The following SLC2A2 variants were observed in gnomAD, a reference collection of about 807,000 sequenced individuals.
SLC2A2 encodes the protein solute carrier family 2 member 2.
Under a neutral mutation model 54.5 loss-of-function variants are expected in SLC2A2, and 36 were observed. That is an observed-to-expected ratio of 0.66 (90% confidence interval 0.51 to 0.87). SLC2A2 has a LOEUF of 0.87. Among genes scored for constraint, SLC2A2 ranks in the 40% least tolerant of loss-of-function variants. The probability of loss-of-function intolerance (pLI) is 0.00; values close to 1 mark genes in which losing one functional copy is unlikely to be tolerated. For missense variants in SLC2A2, 543 were observed against 624.3 expected (o/e 0.87, Z 1.39); for synonymous variants, 223 against 219.1 (o/e 1.02, Z -0.16).
At chr3:171,018,345 C>T (rs1716249600) in intron 2 of SLC2A2, among the ~76,000 whole-genome samples, 186 bp downstream of exon 2, 1 of 150,200 alleles carries the variant, frequency 6.7e-6, no homozygotes, top group African/African-American at 2.5e-5. Context: ...TTTTTTTCCC[C>T]CGTGATTGTT....
intron 1 of SLC2A2, among the ~76,000 whole-genome samples, chr3:171,020,424 C>T (rs980838829): frequency 7.2e-5 from 11 of 152,020 alleles, no homozygotes; most frequent in African/African-American, 1.5e-4. Context: ...AGCTTCCACC[C>T]CTTTCACTAA....
At chr3:171,003,735 T>C (rs1262161312) in intron 7 of SLC2A2, among the ~76,000 whole-genome samples, 3 of 151,992 alleles carry the variant, frequency 2.0e-5, no homozygotes, top group Non-Finnish European at 4.4e-5. Context: ...GCTAGGAACA[T>C]TCTAGTACAA....
At position 171,018,598 on chromosome 3, in the gene SLC2A2, A is replaced by G; in HGVS notation, c.41T>C (p.Val14Ala). The change falls in exon 2 of 11, where the codon GTC becomes GCC. Residue 14 changes from valine (V) to alanine (A), a missense_variant. Val to Ala is a moderately conservative substitution (Grantham distance 64). This residue lies in a region of SLC2A2 where 318 missense variants were observed against 343.8 expected (regional missense o/e 0.93). Coordinates refer to ENST00000314251, the MANE Select transcript of SLC2A2 (RefSeq NM_000340.2). ...GAAGGAACCCAGCACAGCAGTGATG[A>G]CAGTGAAAACCAGGGTCCCAGTGAC... ...DKVTGTLVFTVITAVLGSFQF... is the reference protein window; with the variant it reads ...DKVTGTLVFTAITAVLGSFQF... The G allele has an allele frequency of 1.2e-6, 2 of 1,614,010 alleles. No individual in the cohort carries two copies. Among genetic ancestry groups the G allele is most frequent in the Non-Finnish European group, 1.7e-6 (2 of 1,179,840 alleles).
At chr3:171,004,300 G>C (rs1326371600) in intron 7 of SLC2A2, among the ~76,000 whole-genome samples, 1 of 152,060 alleles carries the variant, frequency 6.6e-6, no homozygotes, top group Non-Finnish European at 1.5e-5. Flanking sequence ...TATACAGACA[G>C]AGCTGAGATG....
rs1203908311 is a variant in SLC2A2 at position 170,998,239 on chromosome 3, T to C, written c.1328A>G (p.Asn443Ser). 1.9e-6 allele frequency: 3 copies of C among 1,613,720 alleles called. No homozygotes were observed. Among genetic ancestry groups the C allele is most frequent in the African/African-American group, 2.7e-5 (2 of 74,918 alleles). ...PAALAIAAFS[N>S]WTCNFIVALC... The stretch of plus-strand genomic sequence containing the variant: ...AGCTACAATGAAATTGCAGGTCCAA[T>C]TGCTGAATGCAGCTATTGCTAAAGC... The change falls in exon 10 of 11, where the codon AAT (asparagine) becomes AGT (serine). Residue 443 changes from asparagine (N) to serine (S), a missense_variant. Physicochemically the swap from Asn to Ser is conservative, Grantham distance 46. Around this residue, in one of 3 missense-constraint regions of SLC2A2, gnomAD observed 108 missense variants for 101.3 expected, o/e 1.07. Coordinates refer to ENST00000314251, the MANE Select transcript of SLC2A2 (RefSeq NM_000340.2).
rs775791143 is a variant in SLC2A2, at chr3:171,014,707, C to T, written c.133G>A (p.Val45Ile). 3.1e-6 allele frequency: 5 copies of T among 1,613,024 alleles called. No homozygotes were observed. In the Admixed American group the frequency reaches 6.7e-5, roughly 22 times the overall value. ...QQVIISHYRH[V>I]LGVPLDDRKA... ...CGGTCATCCAGTGGAACACCCAAAA[C>T]ATGTCTATAGTGAGATATTATTACC... is the stretch of plus-strand genomic sequence containing the variant. Residue 45 changes from valine to isoleucine, a missense_variant, in exon 3 of 11, where the codon GTT becomes ATT. This residue lies in a region of SLC2A2 where 318 missense variants were observed against 343.8 expected (regional missense o/e 0.93). Transcript: ENST00000314251.
chr3:170,997,641 A>G lies in SLC2A2; in HGVS notation c.*262T>C. 1 of 433,226 alleles carries G rather than the reference A, an allele frequency of 2.3e-6. No individual in the cohort carries two copies. The highest frequency in any genetic ancestry group is 4.5e-5 in the East Asian group (1 of 21,980). The allele number at this position is 433,226 out of a possible 1,614,324, so 26.8% of individuals were successfully genotyped here. The stretch of plus-strand genomic sequence containing the variant: ...AACCTTGTTATAAAGAACAGAGCTA[A>G]AAATATTAGAACCACCTGCCCTTTA... On this transcript the variant is annotated 3_prime_UTR_variant, in exon 11 of 11. Transcript: ENST00000314251.
At chr3:171,019,727 T>C (rs1430174749) in intron 1 of SLC2A2, among the ~76,000 whole-genome samples, 1 of 152,214 alleles carries the variant, frequency 6.6e-6, no homozygotes, top group East Asian at 1.9e-4. Flanking sequence ...TCATGTGTAC[T>C]GACTTATTTT....
chr3:171,006,232 G>A (rs199591242), intron 5 of SLC2A2, 127 bp from the exon 6 acceptor site: 14 of 744,448 alleles, frequency 1.9e-5, no homozygotes, highest in East Asian at 1.1e-4. Context: ...AAGTAAAAAC[G>A]GAAACTGTTA....
chr3:171,000,910 A>C (rs879794711), intron 8 of SLC2A2, among the ~76,000 whole-genome samples: 2 of 152,034 alleles, frequency 1.3e-5, no homozygotes, highest in Non-Finnish European at 2.9e-5. Context: ...ATACTTTTTG[A>C]ACTTTAAAAC....
chr3:171,024,548 T>A (rs1373326447), intron 1 of SLC2A2, among the ~76,000 whole-genome samples: 3 of 152,206 alleles, frequency 2.0e-5, no homozygotes, highest in African/African-American at 7.2e-5. Context: ...TTAAACTACA[T>A]GTCTCCAAAA....
intron 6 of SLC2A2, 49 bp downstream of exon 6, chr3:171,005,894 T>G: frequency 6.4e-7 from 1 of 1,554,692 alleles, no homozygotes; most frequent in East Asian, 2.2e-5. Context: ...TTACATTAGC[T>G]GATAATGCCA....
At chr3:171,022,162 G>A (rs1466792567) in intron 1 of SLC2A2, among the ~76,000 whole-genome samples, 1 of 152,160 alleles carries the variant, frequency 6.6e-6, no homozygotes, top group Non-Finnish European at 1.5e-5. Flanking sequence ...TAGATAACTA[G>A]ATTAGTTTAA....
chr3:171,008,014 G>A (rs749470031), intron 4 of SLC2A2, among the ~76,000 whole-genome samples: 5 of 152,020 alleles, frequency 3.3e-5, no homozygotes, highest in Admixed American at 6.6e-5. Flanking sequence ...GTAATCAGTC[G>A]TGCTGGAAAT....
At chr3:171,018,506 G>C (rs1466690950) in intron 2 of SLC2A2, 25 bp downstream of exon 2, 4 of 1,523,374 alleles carry the variant, frequency 2.6e-6, no homozygotes, top group South Asian at 1.1e-5. Context: ...TTGCCAAAAA[G>C]AGAACTTCTA....
Position 170,997,924 on chromosome 3 carries a change from T to A in SLC2A2, c.1554A>T (p.Leu518=). The change falls in exon 11 of 11, where the codon CTA becomes CTT. Residue 518 remains leucine, a synonymous_variant. Coordinates refer to ENST00000314251, the MANE Select transcript of SLC2A2 (RefSeq NM_000340.2). ...RPKAAVEMKF[L]GATETV is the part of the protein sequence containing the mutation. ...TTTTTTACACAGTCTCTGTAGCTCC[T>A]AGGAATTTCATTTCTACAGCAGCTT... The A allele has an allele frequency of 6.2e-7, 1 of 1,613,300 alleles. No individual in the cohort carries two copies. The highest frequency in any genetic ancestry group is 8.5e-7 in the Non-Finnish European group (1 of 1,179,538).
intron 1 of SLC2A2, among the ~76,000 whole-genome samples, chr3:171,022,208 G>C (rs371596474): frequency 6.6e-6 from 1 of 152,090 alleles, no homozygotes; most frequent in East Asian, 1.9e-4. Context: ...ACAATGACTT[G>C]GTTCCAGATC....
intron 8 of SLC2A2, 61 bp from the exon 9 acceptor site, chr3:170,999,227 T>G: frequency 2.7e-6 from 3 of 1,094,724 alleles, no homozygotes; most frequent in South Asian, 2.5e-5. Context: ...GACTGTTTAC[T>G]TAAATCATTT....
At chr3:171,005,893 C>T in intron 6 of SLC2A2, 50 bp downstream of exon 6, 3 of 1,548,114 alleles carry the variant, frequency 1.9e-6, no homozygotes, top group Non-Finnish European at 2.7e-6. Flanking sequence ...TTTACATTAG[C>T]TGATAATGCC....
Sources: gnomAD v4.1 joint callset for allele counts (sites outside exome capture counted in the v4.1 genomes callset) on GRCh38, gnomAD v4.1.1 for gene constraint, gnomAD v4.1.1 regional missense constraint, MANE v1.5 for transcripts, NCBI Gene and HGNC (gene_info 2026-07-23, HGNC 2026-07-21) for gene names.